The following ANK2 variants were observed in gnomAD, a reference collection of about 807,000 sequenced individuals.
ANK2 encodes the protein ankyrin-2.
In ANK2, 83 loss-of-function variants were observed where a neutral mutation model predicts 360.5. That is an observed-to-expected ratio of 0.23 (90% CI 0.19 to 0.28). The LOEUF is 0.28. Ranked by LOEUF, ANK2 falls within the 10% of genes least tolerant of loss-of-function variation. The probability of loss-of-function intolerance (pLI) is 1.00; values close to 1 mark genes in which losing one functional copy is unlikely to be tolerated. For missense variants in ANK2, 4,201 were observed against 4,795.7 expected (o/e 0.88, Z 3.66); for synonymous variants, 1,740 against 1,759.5 (o/e 0.99, Z 0.28).
chr4:113,271,832 T>C (rs2058656285), intron 14 of ANK2, among the ~76,000 whole-genome samples: 1 of 152,200 alleles, frequency 6.6e-6, no homozygotes. Context: ...GGGACCACAG[T>C]GGCCTCAGTT....
chr4:112,733,640 AG>A, the ANK2 span, among the ~76,000 whole-genome samples: 1 of 152,246 alleles, frequency 6.6e-6, no homozygotes, highest in East Asian at 1.9e-4. Context: ...GAATGAATTA[AG>A]GAAATTTTCT....
chr4:113,059,480 G>T (rs2071993426), intron 1 of ANK2, among the ~76,000 whole-genome samples: 1 of 152,054 alleles, frequency 6.6e-6, no homozygotes, highest in Non-Finnish European at 1.5e-5. Flanking sequence ...TAGAAAAGGT[G>T]TTCAAAAGAG....
At chr4:113,232,039 A>G (rs1435466441) in intron 4 of ANK2, 122 bp from the exon 5 acceptor site, 4 of 719,352 alleles carry the variant, frequency 5.6e-6, no homozygotes, top group Non-Finnish European at 9.9e-6. Flanking sequence ...AATGATAAAT[A>G]TGTGTATAAT....
At chr4:112,846,400 C>T (rs2063313834) in intron 1 of ANK2, among the ~76,000 whole-genome samples, 1 of 152,178 alleles carries the variant, frequency 6.6e-6, no homozygotes, top group Non-Finnish European at 1.5e-5. Flanking sequence ...CAGACATGAG[C>T]CACCGCACCC....
At chr4:113,020,313 A>G (rs1187182114) in intron 2 of ANK2, among the ~76,000 whole-genome samples, 1 of 152,084 alleles carries the variant, frequency 6.6e-6, no homozygotes, top group East Asian at 1.9e-4. Context: ...CAGCCTTTCT[A>G]GTAGCTGGGA....
chr4:112,784,981 G>A, the ANK2 span, among the ~76,000 whole-genome samples: 2,679 of 152,242 alleles, frequency 0.018, 92 homozygotes, highest in African/African-American at 0.059. Context: ...TCAGTTTGAT[G>A]CCGTGGCCAA....
At chr4:113,048,009 G>A (rs2065130075), upstream of ANK2, among the ~76,000 whole-genome samples, 2 of 151,738 alleles carry the variant, frequency 1.3e-5, no homozygotes, top group Non-Finnish European at 2.9e-5. Flanking sequence ...GTTGAAAACT[G>A]TCTATATTTG....
At chr4:112,764,707 CT>C in the ANK2 span, among the ~76,000 whole-genome samples, 5,100 of 132,896 alleles carry the variant, frequency 0.038, 167 homozygotes, top group African/African-American at 0.11. Context: ...GAAAAGTTAT[CT>C]TTTTTTTTTT....
At chr4:113,305,359 A>AAAG (rs2076825565) in intron 23 of ANK2, among the ~76,000 whole-genome samples, 1 of 151,150 alleles carries the variant, frequency 6.6e-6, no homozygotes, top group Admixed American at 6.6e-5. Flanking sequence ...AAAAAAAAAA[A>AAAG]TAGCCTCTCA....
chr4:112,859,972 A>G (rs751907677), intron 1 of ANK2, among the ~76,000 whole-genome samples: 1 of 152,240 alleles, frequency 6.6e-6, no homozygotes, highest in Non-Finnish European at 1.5e-5. Flanking sequence ...TACAGTGACC[A>G]TTCTCTACTA....
chr4:113,380,439 T>A lies in ANK2; in HGVS notation c.11860-1018T>A, dbSNP rs968322684. Among the ~76,000 whole-genome samples, 11 of 152,270 alleles carry A rather than the reference T, an allele frequency of 7.2e-5. No individual in the cohort carries two copies. The East Asian group carries it at 2.1e-3, about 29-fold the overall frequency. On this transcript the variant is annotated intron_variant, in intron 45 of 45. Coordinates refer to ENST00000357077, the MANE Select transcript of ANK2 (RefSeq NM_001148.6). ...ACTTTGGGAGGCCAAGGTGGACAGA[T>A]CATCTGAGCTCAGGAGTTCGAGACC...
chr4:113,371,646 C>T (rs909913720), intron 43 of ANK2, among the ~76,000 whole-genome samples: 4 of 152,188 alleles, frequency 2.6e-5, no homozygotes, highest in South Asian at 2.1e-4. Context: ...CCTTATTTCT[C>T]ATAACCCTAA....
intron 2 of ANK2, among the ~76,000 whole-genome samples, chr4:112,925,654 AG>A (rs1172954699): frequency 6.6e-6 from 1 of 152,252 alleles, no homozygotes; most frequent in Non-Finnish European, 1.5e-5. Flanking sequence ...AAAAGGTATA[AG>A]TATACTATAA....
At chr4:112,754,371 T>TTTCTAACATCCTTTCCAG in the ANK2 span, among the ~76,000 whole-genome samples, 2 of 151,588 alleles carry the variant, frequency 1.3e-5, no homozygotes. Flanking sequence ...CACCGGATGA[T>TTTCTAACATCCTTTCCAG]TTCTAACATC....
At chr4:113,339,733 G>T (rs2094027749) in intron 32 of ANK2, among the ~76,000 whole-genome samples, 1 of 152,190 alleles carries the variant, frequency 6.6e-6, no homozygotes, top group South Asian at 2.1e-4. Context: ...GGCTTCAGTG[G>T]CTCTTATATA....
chr4:113,127,588 A>G (rs1395448280), intron 1 of ANK2, among the ~76,000 whole-genome samples: 1 of 152,082 alleles, frequency 6.6e-6, no homozygotes, highest in Non-Finnish European at 1.5e-5. Flanking sequence ...GAGGATAGGT[A>G]GGTGGTAGGG....
intron 2 of ANK2, among the ~76,000 whole-genome samples, chr4:113,021,541 C>CACACACACACACACACACACATATAT (rs1489947974): frequency 1.0e-5 from 1 of 95,572 alleles, no homozygotes; most frequent in African/African-American, 3.8e-5. Flanking sequence ...CACACACAAA[C>CACACACACACACACACACACATATAT]ATATATATAT....
At chr4:113,004,441 T>G (rs2052010230) in intron 2 of ANK2, among the ~76,000 whole-genome samples, 1 of 152,128 alleles carries the variant, frequency 6.6e-6, no homozygotes, top group Admixed American at 6.6e-5. Flanking sequence ...AGCCTCGCCC[T>G]ACATAAGATT....
At chr4:112,831,740 G>A (rs1340446444) in intron 1 of ANK2, among the ~76,000 whole-genome samples, 1 of 152,136 alleles carries the variant, frequency 6.6e-6, no homozygotes, top group Non-Finnish European at 1.5e-5. Flanking sequence ...CAGTCTTTGG[G>A]TCCACGCCAC....
Sources: gnomAD v4.1 joint callset for allele counts (sites outside exome capture counted in the v4.1 genomes callset) on GRCh38, gnomAD v4.1.1 for gene constraint, MANE v1.5 for transcripts, NCBI Gene and HGNC (gene_info 2026-07-23, HGNC 2026-07-21) for gene names.